CTNND2: variants seen among roughly 807,000 people sequenced by gnomAD.
CTNND2 encodes the protein catenin delta-2.
In CTNND2, 22 loss-of-function variants were observed where a neutral mutation model predicts 144.4. The observed-to-expected ratio is 0.15, with a 90% CI of 0.11 to 0.22. CTNND2 has a LOEUF of 0.22. Among genes scored for constraint, CTNND2 ranks in the 10% least tolerant of loss-of-function variants. The pLI, the probability that CTNND2 is intolerant of heterozygous loss-of-function variation, is 1.00. For synonymous variants in CTNND2, 751 were observed against 695.6 expected, an observed-to-expected ratio of 1.08 and a Z score of -1.25; for missense variants, 1,353 against 1,618.8, an observed-to-expected ratio of 0.84 and a Z score of 2.82.
At chr5:11,775,978 G>A (rs1790231675) in intron 1 of CTNND2, among the ~76,000 whole-genome samples, 1 of 152,076 alleles carries the variant, frequency 6.6e-6, no homozygotes, top group Non-Finnish European at 1.5e-5. Context: ...CCTGCCACGA[G>A]CCAACTCCAA....
intron 2 of CTNND2, among the ~76,000 whole-genome samples, chr5:11,700,515 T>C (rs1390271450): frequency 1.3e-5 from 2 of 152,174 alleles, no homozygotes; most frequent in Non-Finnish European, 2.9e-5. Context: ...TACTTGGTTG[T>C]ATTCAGCGTG....
At chr5:11,364,549 C>A in intron 8 of CTNND2, 147 bp downstream of exon 8, 1 of 571,214 alleles carries the variant, frequency 1.8e-6, no homozygotes, top group Non-Finnish European at 2.9e-6. Context: ...CTACCATTAT[C>A]ATTACAGACA....
chr5:11,154,677 C>A (rs1758055507), intron 12 of CTNND2, among the ~76,000 whole-genome samples: 1 of 152,120 alleles, frequency 6.6e-6, no homozygotes, highest in Non-Finnish European at 1.5e-5. Context: ...GAACCGAGTA[C>A]CACAAACTGG....
chr5:11,262,402 T>C (rs1466488304), intron 9 of CTNND2, among the ~76,000 whole-genome samples: 2 of 152,160 alleles, frequency 1.3e-5, no homozygotes, highest in East Asian at 1.9e-4. Flanking sequence ...TGGAGCTCCA[T>C]ACTATTTTCT....
intron 3 of CTNND2, among the ~76,000 whole-genome samples, chr5:11,522,719 A>T (rs756379757): frequency 7.2e-5 from 11 of 152,224 alleles, no homozygotes; most frequent in Non-Finnish European, 1.6e-4. Context: ...AAGATGGCAG[A>T]CAGGACCATA....
chr5:11,155,746 T>G (rs1758162806), intron 12 of CTNND2, among the ~76,000 whole-genome samples: 1 of 152,130 alleles, frequency 6.6e-6, no homozygotes, highest in Non-Finnish European at 1.5e-5. Flanking sequence ...TCCTTTTTCC[T>G]CAGTGACAGA....
At chr5:11,743,976 T>C (rs1217646927) in intron 1 of CTNND2, among the ~76,000 whole-genome samples, 1 of 152,148 alleles carries the variant, frequency 6.6e-6, no homozygotes, top group East Asian at 1.9e-4. Flanking sequence ...TGACATATTA[T>C]GTGTGAAGGT....
chr5:11,551,117 G>A (rs192627579), intron 3 of CTNND2, among the ~76,000 whole-genome samples: 6 of 152,220 alleles, frequency 3.9e-5, no homozygotes, highest in African/African-American at 1.2e-4. Flanking sequence ...ACTCAGCAAC[G>A]TGCAAAGTCT....
At chr5:11,260,023 A>G (rs565210451) in intron 9 of CTNND2, among the ~76,000 whole-genome samples, 1 of 152,316 alleles carries the variant, frequency 6.6e-6, no homozygotes, top group Admixed American at 6.5e-5. Context: ...TGACTTTCCT[A>G]TGCAGCTCTG....
At chr5:11,796,436 T>C (rs1454552278) in intron 1 of CTNND2, among the ~76,000 whole-genome samples, 3 of 152,224 alleles carry the variant, frequency 2.0e-5, no homozygotes, top group African/African-American at 7.2e-5. Flanking sequence ...CCATAGAGCC[T>C]TATCTGAGAG....
At chr5:11,587,441 T>C (rs1401340588) in intron 2 of CTNND2, among the ~76,000 whole-genome samples, 1 of 152,060 alleles carries the variant, frequency 6.6e-6, no homozygotes, top group Non-Finnish European at 1.5e-5. Context: ...TATTCTGATA[T>C]AATAAGGGCC....
At chr5:11,155,092 G>A (rs1469291211) in intron 12 of CTNND2, among the ~76,000 whole-genome samples, 3 of 152,170 alleles carry the variant, frequency 2.0e-5, no homozygotes, top group Non-Finnish European at 2.9e-5. Flanking sequence ...TCAACACACC[G>A]CAGTGACTTC....
intron 11 of CTNND2, among the ~76,000 whole-genome samples, chr5:11,173,441 T>C (rs1760139759): frequency 6.6e-6 from 1 of 152,234 alleles, no homozygotes; most frequent in Non-Finnish European, 1.5e-5. Context: ...AGTCCCTGCA[T>C]TGGATTCTGT....
At chr5:11,816,662 A>G (rs1436471890) in intron 1 of CTNND2, among the ~76,000 whole-genome samples, 2 of 5,532 alleles carry the variant, frequency 3.6e-4, no homozygotes, top group African/African-American at 9.1e-4. Context: ...AGAGAGAGAG[A>G]GGAGGAGAGA....
chr5:11,537,459 AG>A lies in CTNND2; in HGVS notation c.287+27484del, dbSNP rs34728821. 1.8e-3 allele frequency among the ~76,000 whole-genome samples: 273 copies of A among 152,332 alleles called. 1 individual carries two copies. The highest frequency in any genetic ancestry group is 6.1e-3 in the African/African-American group (255 of 41,588). On this transcript the variant is annotated intron_variant, in intron 3 of 21. Transcript: ENST00000304623. ...ATTTGAAAAAAATATGGGGTTGAAT[AG>A]AATTTATATACATCGTTCAACTCAT...
In CTNND2 at chr5:11,250,516, T is replaced by TATATATAC. The variant is rs1184304437; in HGVS notation, c.1629-13694_1629-13693insGTATATAT. 1.1e-3 allele frequency among the ~76,000 whole-genome samples: 44 copies of TATATATAC among 38,280 alleles called. 1 individual carries two copies. Among genetic ancestry groups the TATATATAC allele is most frequent in the African/African-American group, 6.2e-3 (32 of 5,184 alleles). 25.1% of individuals were successfully genotyped at this position (38,280 alleles called of 152,430 possible). A position where few individuals can be genotyped will look rare whatever the true frequency, so the allele number is the denominator to read the frequency against. On this transcript the variant is annotated intron_variant, in intron 9 of 21. Transcript: ENST00000304623. ...CTATATATATATATATATATATACA[T>TATATATAC]ATATTTTTTTTTTTTTTTAGAGACA... is the stretch of plus-strand genomic sequence containing the variant.
chr5:11,665,954 C>G (rs1266099415), intron 2 of CTNND2, among the ~76,000 whole-genome samples: 1 of 152,088 alleles, frequency 6.6e-6, no homozygotes, highest in Non-Finnish European at 1.5e-5. Context: ...AATCAGGAAT[C>G]ATATATATTA....
chr5:11,212,401 T>A (rs1380652627), intron 10 of CTNND2, among the ~76,000 whole-genome samples: 1 of 152,178 alleles, frequency 6.6e-6, no homozygotes, highest in Non-Finnish European at 1.5e-5. Context: ...ACCTATACAA[T>A]GTAGTACACG....
At position 11,791,541 on chromosome 5, in the gene CTNND2, T is replaced by C. The variant is rs192036439; in HGVS notation, c.38-59269A>G. Among the ~76,000 whole-genome samples the C allele has an allele frequency of 2.8e-4, 42 of 152,296 alleles. No homozygotes were observed. In the East Asian group the frequency reaches 7.4e-3, roughly 27 times the overall value. Reference sequence around the variant, plus strand: ...ATGTTGAAGATTTATTAAAAGTGCATCAGATGCTCATCAATCCACTAGGTA... The same window carrying C: ...ATGTTGAAGATTTATTAAAAGTGCACCAGATGCTCATCAATCCACTAGGTA... On this transcript the variant is annotated intron_variant, in intron 1 of 21. Coordinates refer to ENST00000304623, the MANE Select transcript of CTNND2 (RefSeq NM_001332.4).
Sources: gnomAD v4.1 joint callset for allele counts (sites outside exome capture counted in the v4.1 genomes callset) on GRCh38, gnomAD v4.1.1 for gene constraint, MANE v1.5 for transcripts, NCBI Gene and HGNC (gene_info 2026-07-23, HGNC 2026-07-21) for gene names.